The following TACC2 variants were observed in gnomAD, a reference collection of about 807,000 sequenced individuals.
TACC2 encodes transforming acidic coiled-coil containing protein 2.
In TACC2, 137 loss-of-function variants were observed where a neutral mutation model predicts 227.3. The observed-to-expected ratio is 0.60, with a 90% confidence interval of 0.52 to 0.69. TACC2 has a LOEUF of 0.69. Among genes scored for constraint, TACC2 ranks in the 30% least tolerant of loss-of-function variants. TACC2 has a pLI of 0.00. For synonymous variants in TACC2, 1,523 were observed against 1,487.5 expected (o/e 1.02, Z -0.55); for missense variants, 3,470 against 3,694.4 (o/e 0.94, Z 1.57).
chr10:122,051,842 G>T (rs2075737639), intron 3 of TACC2: 1 of 149,036 alleles, frequency 6.7e-6, no homozygotes, highest in Non-Finnish European at 1.5e-5. Flanking sequence ...TTCATGCCTG[G>T]GGCATGGAAG....
In TACC2 at chr10:122,143,673, C is replaced by A. The variant is rs770573957; in HGVS notation, c.5801C>A (p.Pro1934His). The A allele has an allele frequency of 6.2e-7, 1 of 1,614,172 alleles. No individual in the cohort carries two copies. The highest frequency in any genetic ancestry group is 8.5e-7 in the Non-Finnish European group (1 of 1,180,026). ...GGTGACAGAGTAGAAGCTTCCACTC[C>A]CTCCTGCCCAGATCCGGCCAAGGAC... ...PAGDRVEAST[P>H]SCPDPAKDLS... The change falls in exon 7 of 23, where the codon CCC becomes CAC. Residue 1934 changes from proline (P) to histidine (H), a missense_variant. Transcript: ENST00000369005.
chr10:122,022,072 A>G, intron 2 of TACC2, 58 bp downstream of exon 2: 2 of 1,584,354 alleles, frequency 1.3e-6, no homozygotes, highest in Non-Finnish European at 8.7e-7. Flanking sequence ...GACCTTGACT[A>G]GGTTCTTTTT....
At chr10:122,186,713 A>G (rs2094207075) in intron 7 of TACC2, among the ~76,000 whole-genome samples, 1 of 152,100 alleles carries the variant, frequency 6.6e-6, no homozygotes, top group Non-Finnish European at 1.5e-5. Flanking sequence ...GGGTTTCACC[A>G]TGTTGGCCAG....
At chr10:122,230,286 G>A (rs2095711445) in intron 15 of TACC2, 65 bp from the exon 16 acceptor site, 5 of 1,376,550 alleles carry the variant, frequency 3.6e-6, no homozygotes, top group South Asian at 3.5e-5. Context: ...TTTCTCGGAT[G>A]TGGAAACCAT....
intron 7 of TACC2, among the ~76,000 whole-genome samples, chr10:122,190,269 G>A (rs1230405170): frequency 6.6e-6 from 1 of 152,144 alleles, no homozygotes; most frequent in Admixed American, 6.5e-5. Flanking sequence ...GGCTCTTAGG[G>A]TCTGCATTTT....
chr10:122,011,224 G>A (rs543241338), intron 1 of TACC2, among the ~76,000 whole-genome samples: 4 of 152,304 alleles, frequency 2.6e-5, no homozygotes, highest in African/African-American at 9.6e-5. Flanking sequence ...GCCAGGTGGA[G>A]AGGGACATAG....
chr10:122,116,806 AT>A (rs1374694002), intron 5 of TACC2, among the ~76,000 whole-genome samples: 10 of 152,004 alleles, frequency 6.6e-5, no homozygotes, highest in Non-Finnish European at 1.5e-4. Flanking sequence ...GTTCTTCCTT[AT>A]TTAGAAGCTG....
chr10:122,218,816 T>G (rs1487534901), intron 11 of TACC2, among the ~76,000 whole-genome samples: 16 of 151,512 alleles, frequency 1.1e-4, no homozygotes, highest in Admixed American at 1.1e-3. Context: ...GACCCAGGTG[T>G]TCAAGACGAG....
In TACC2 at chr10:122,002,535, A is replaced by G. The variant is rs972546234; in HGVS notation, c.-46+13047A>G. ...TTCTGCCTTTAAAATGCTTTGGAATAATTTGTAGAGCACGCTGGGACTATC... is the reference window on the plus strand; with the variant it reads ...TTCTGCCTTTAAAATGCTTTGGAATGATTTGTAGAGCACGCTGGGACTATC... On this transcript the variant is annotated intron_variant, in intron 1 of 22. Transcript: ENST00000369005. 3.3e-5 allele frequency among the ~76,000 whole-genome samples: 5 copies of G among 152,264 alleles called. No homozygotes were observed. The South Asian group carries it at 1.0e-3, about 32-fold the overall frequency.
chr10:122,166,535 C>G (rs1156293099), intron 7 of TACC2, among the ~76,000 whole-genome samples: 1 of 152,160 alleles, frequency 6.6e-6, no homozygotes, highest in African/African-American at 2.4e-5. Flanking sequence ...GGTGACCAGT[C>G]TCTTGCTACT....
At chr10:122,113,714 A>G (rs2084079684) in intron 5 of TACC2, among the ~76,000 whole-genome samples, 1 of 152,238 alleles carries the variant, frequency 6.6e-6, no homozygotes, top group South Asian at 2.1e-4. Context: ...TGGACTAGCC[A>G]TAAAACTCTG....
intron 5 of TACC2, among the ~76,000 whole-genome samples, chr10:122,100,725 T>C (rs2082042655): frequency 6.6e-6 from 1 of 152,154 alleles, no homozygotes; most frequent in South Asian, 2.1e-4. Flanking sequence ...AGCGCCCGAC[T>C]GTTGTCTTCT....
At chr10:121,992,728 G>A (rs184001964) in intron 1 of TACC2, among the ~76,000 whole-genome samples, 1 of 152,050 alleles carries the variant, frequency 6.6e-6, no homozygotes, top group Non-Finnish European at 1.5e-5. Flanking sequence ...GCCAAGGAGG[G>A]TGGATTGCCT....
chr10:122,026,918 A>G (rs536686422), intron 2 of TACC2, among the ~76,000 whole-genome samples: 1 of 152,338 alleles, frequency 6.6e-6, no homozygotes, highest in African/African-American at 2.4e-5. Context: ...TAAAACTACT[A>G]TAAACATCTA....
At chr10:122,206,465 T>A (rs1316398454) in intron 8 of TACC2, among the ~76,000 whole-genome samples, 2 of 152,176 alleles carry the variant, frequency 1.3e-5, no homozygotes, top group Non-Finnish European at 2.9e-5. Context: ...TGGGGACCAG[T>A]GTTCCTATAC....
At position 122,118,914 on chromosome 10, in the gene TACC2, A is replaced by G. The variant is rs1037335383; in HGVS notation, c.5574-13695A>G. ...TATCATTCTGTTAGTGCTATTTTCC[A>G]TGAACCCATACTGTGTATTGAGGAC... On this transcript the variant is annotated intron_variant, in intron 5 of 22. Coordinates refer to ENST00000369005, the MANE Select transcript of TACC2 (RefSeq NM_206862.4). Among the ~76,000 whole-genome samples, 149 of 152,306 alleles carry G rather than the reference A, an allele frequency of 9.8e-4. 1 individual carries two copies. The highest frequency in any genetic ancestry group is 3.5e-3 in the African/African-American group (145 of 41,568).
In TACC2 at chr10:122,087,924, GCAAC is replaced by G. The variant is rs1199498594; in HGVS notation, c.5425_5428del (p.Gln1809IlefsTer70). ...CTGACGAAACTCACGACCCGAAGCT[GCAAC>G]ATTTGGCTCCAGAAGAGCTCCACAC... On this transcript the variant is annotated frameshift_variant, in exon 4 of 23. Coordinates refer to ENST00000369005, the MANE Select transcript of TACC2 (RefSeq NM_206862.4). LOFTEE classifies it high-confidence loss of function. 4 of 1,510,182 alleles carry G rather than the reference GCAAC, an allele frequency of 2.6e-6. No individual in the cohort carries two copies. Among genetic ancestry groups the G allele is most frequent in the Admixed American group, 4.6e-5 (2 of 43,588 alleles). The allele number at this position is 1,510,182 out of a possible 1,614,324, so 93.5% of individuals were successfully genotyped here. A position where few individuals can be genotyped will look rare whatever the true frequency, so the allele number is the denominator to read the frequency against.
At chr10:122,011,923 T>C (rs1955976276) in intron 1 of TACC2, among the ~76,000 whole-genome samples, 1 of 152,032 alleles carries the variant, frequency 6.6e-6, no homozygotes, top group African/African-American at 2.4e-5. Context: ...CCTTCCAGTT[T>C]TTTGTTTTTG....
intron 1 of TACC2, among the ~76,000 whole-genome samples, chr10:122,006,292 CA>C (rs1256849435): frequency 2.0e-5 from 3 of 151,334 alleles, no homozygotes; most frequent in Non-Finnish European, 4.4e-5. Flanking sequence ...ACTAAAAATA[CA>C]AAAAAATTGG....
Sources: allele counts gnomAD v4.1 joint callset (sites outside exome capture counted in the v4.1 genomes callset), GRCh38; gene constraint gnomAD v4.1.1; transcripts MANE v1.5; gene names NCBI Gene and HGNC (gene_info 2026-07-23, HGNC 2026-07-21).